The following PACSIN2 variants were observed in gnomAD, a reference collection of about 807,000 sequenced individuals.
The protein encoded by PACSIN2 is protein kinase C and casein kinase substrate in neurons 2, also known as protein kinase C and casein kinase substrate in neurons protein 2.
A neutral mutation model predicts 63.8 loss-of-function variants in PACSIN2; 25 were observed. The observed-to-expected ratio is 0.39, with a 90% CI of 0.29 to 0.55. The LOEUF is 0.55. Ranked by LOEUF, PACSIN2 falls within the 20% of genes least tolerant of loss-of-function variation. The probability of loss-of-function intolerance (pLI) is 0.62; values close to 1 mark genes in which losing one functional copy is unlikely to be tolerated. For missense variants in PACSIN2, 518 were observed against 646.9 expected (o/e 0.80, Z 2.16); for synonymous variants, 255 against 256.2 (o/e 1.00, Z 0.05).
intron 1 of PACSIN2, among the ~76,000 whole-genome samples, chr22:42,941,768 GTT>G (rs1933173661): frequency 6.6e-6 from 1 of 150,688 alleles, no homozygotes; most frequent in Non-Finnish European, 1.5e-5. Flanking sequence ...TGGGGTTTTT[GTT>G]TTGTTTTGTT....
chr22:42,966,929 T>C (rs745845688), intron 1 of PACSIN2, among the ~76,000 whole-genome samples: 5 of 152,220 alleles, frequency 3.3e-5, no homozygotes, highest in South Asian at 2.1e-4. Flanking sequence ...GTGATTTTTT[T>C]CCCCTCATTT....
chr22:42,921,334 GGGCGACAGT>G, intron 1 of PACSIN2, among the ~76,000 whole-genome samples: 1 of 150,984 alleles, frequency 6.6e-6, no homozygotes, highest in African/African-American at 2.4e-5. Flanking sequence ...CGCCCACCCT[GGGCGACAGT>G]GTGAGACTCC....
At chr22:42,913,487 A>C (rs1931602378) in intron 1 of PACSIN2, among the ~76,000 whole-genome samples, 1 of 104,010 alleles carries the variant, frequency 9.6e-6, no homozygotes, top group Non-Finnish European at 1.7e-5. Context: ...CTCCAAAAAA[A>C]AAAAAAAAAA....
chr22:42,926,875 G>C (rs1014618430), intron 1 of PACSIN2, among the ~76,000 whole-genome samples: 3 of 151,992 alleles, frequency 2.0e-5, no homozygotes, highest in African/African-American at 4.8e-5. Flanking sequence ...AGGAGGTTAA[G>C]GAAAAACAAA....
chr22:42,982,887 A>AAAAAAC (rs200348918), intron 1 of PACSIN2, among the ~76,000 whole-genome samples: 3 of 129,496 alleles, frequency 2.3e-5, no homozygotes, highest in African/African-American at 5.6e-5. Flanking sequence ...AAAAAAAAAA[A>AAAAAAC]AAACAACAAC....
chr22:42,907,617 G>A (rs982012173), intron 2 of PACSIN2, among the ~76,000 whole-genome samples: 2 of 152,370 alleles, frequency 1.3e-5, no homozygotes, highest in Admixed American at 6.5e-5. Context: ...GTGCGTGGAG[G>A]CGGCTGGGCA....
intron 1 of PACSIN2, among the ~76,000 whole-genome samples, chr22:43,009,403 G>A (rs2146929672): frequency 6.6e-6 from 1 of 152,340 alleles, no homozygotes; most frequent in Non-Finnish European, 1.5e-5. Flanking sequence ...AGATGACCAG[G>A]AAAATAGGAT....
intron 1 of PACSIN2, among the ~76,000 whole-genome samples, chr22:42,953,777 C>T (rs2146834482): frequency 6.6e-6 from 1 of 152,308 alleles, no homozygotes; most frequent in Admixed American, 6.5e-5. Flanking sequence ...CAAGGCTTAA[C>T]CACTATACTA....
chr22:42,924,938 G>A (rs1932440800), intron 1 of PACSIN2, among the ~76,000 whole-genome samples: 1 of 151,274 alleles, frequency 6.6e-6, no homozygotes, highest in Admixed American at 6.6e-5. Flanking sequence ...TTATATTTTT[G>A]GTAGAGACGG....
chr22:42,905,741 C>A (rs1931030785), intron 2 of PACSIN2, among the ~76,000 whole-genome samples: 1 of 152,208 alleles, frequency 6.6e-6, no homozygotes, highest in Non-Finnish European at 1.5e-5. Context: ...CAGCAGCCAG[C>A]CAAAATAAAC....
intron 1 of PACSIN2, among the ~76,000 whole-genome samples, chr22:43,012,174 C>G (rs1343907703): frequency 6.8e-6 from 1 of 146,932 alleles, no homozygotes; most frequent in Non-Finnish European, 1.5e-5. Flanking sequence ...TACATACATA[C>G]ATACATACAT....
At chr22:42,917,349 G>T (rs976982623) in intron 1 of PACSIN2, among the ~76,000 whole-genome samples, 1 of 152,170 alleles carries the variant, frequency 6.6e-6, no homozygotes, top group Non-Finnish European at 1.5e-5. Flanking sequence ...GCTCACACCT[G>T]TAATCCCAGC....
intron 1 of PACSIN2, among the ~76,000 whole-genome samples, chr22:42,962,780 G>T (rs189499414): frequency 3.1e-5 from 2 of 65,212 alleles, no homozygotes; most frequent in East Asian, 1.3e-3. Flanking sequence ...GTGGGCGGGG[G>T]GGGGGGGCGG....
At chr22:42,973,094 C>T (rs1005170548) in intron 1 of PACSIN2, among the ~76,000 whole-genome samples, 1 of 152,162 alleles carries the variant, frequency 6.6e-6, no homozygotes, top group South Asian at 2.1e-4. Flanking sequence ...CTGCAGCAAA[C>T]ACATCTGGGA....
At chr22:42,895,551 G>T (rs1255276767) in intron 2 of PACSIN2, among the ~76,000 whole-genome samples, 1 of 152,194 alleles carries the variant, frequency 6.6e-6, no homozygotes, top group Non-Finnish European at 1.5e-5. Flanking sequence ...AAAAGAAAAG[G>T]ATATTTCTTA....
At chr22:43,005,243 C>T (rs1364703255) in intron 1 of PACSIN2, among the ~76,000 whole-genome samples, 1 of 152,224 alleles carries the variant, frequency 6.6e-6, no homozygotes, top group African/African-American at 2.4e-5. Flanking sequence ...GCTATCATTA[C>T]CAGTACTCCC....
chr22:42,883,513 C>T (rs1929230801), intron 6 of PACSIN2, among the ~76,000 whole-genome samples: 1 of 152,220 alleles, frequency 6.6e-6, no homozygotes, highest in South Asian at 2.1e-4. Flanking sequence ...GAAGGCATCA[C>T]AGAACCAAAG....
At chr22:42,976,173 T>G (rs1038992775) in intron 1 of PACSIN2, among the ~76,000 whole-genome samples, 1 of 152,240 alleles carries the variant, frequency 6.6e-6, no homozygotes, top group African/African-American at 2.4e-5. Context: ...TACAGAACCT[T>G]GGCACCTGCC....
rs79221406 is a variant in PACSIN2 at position 42,935,832 on chromosome 22, T to C, written c.-77-23675A>G. 2.2e-3 allele frequency among the ~76,000 whole-genome samples: 330 copies of C among 152,198 alleles called. 2 individuals are homozygous for C. The highest frequency in any genetic ancestry group is 7.6e-3 in the African/African-American group (314 of 41,508). On this transcript the variant is annotated intron_variant, in intron 1 of 10. Coordinates refer to ENST00000263246, the MANE Select transcript of PACSIN2 (RefSeq NM_001184970.3). ...AGTCCCAGGCATCCCAGGGGCTCCA[T>C]GGCACCCCTGAGAGATGACCTAGCC...
Sources: gnomAD v4.1 joint callset for allele counts (sites outside exome capture counted in the v4.1 genomes callset) on GRCh38, gnomAD v4.1.1 for gene constraint, MANE v1.5 for transcripts, NCBI Gene and HGNC (gene_info 2026-07-23, HGNC 2026-07-21) for gene names.